The following NAV3 variants were observed in gnomAD, a reference collection of about 807,000 sequenced individuals.
NAV3 encodes the protein neuron navigator 3, also known as pore membrane and/or filament interacting like protein 1.
A neutral mutation model predicts 244.7 loss-of-function variants in NAV3; 87 were observed. The ratio of observed to expected loss-of-function variants is 0.36; its 90% CI spans 0.30 to 0.42. The LOEUF (loss-of-function observed/expected upper bound fraction) is 0.42. Ranked by LOEUF, NAV3 falls within the 20% of genes least tolerant of loss-of-function variation. The pLI is 1.00. For missense variants in NAV3, 2,663 were observed against 2,893.3 expected (o/e 0.92, Z 1.83); for synonymous variants, 1,126 against 1,042.2 (o/e 1.08, Z -1.55).
intron 2 of NAV3, among the ~76,000 whole-genome samples, chr12:77,637,791 C>A (rs1872220692): frequency 1.3e-5 from 2 of 152,218 alleles, no homozygotes; most frequent in African/African-American, 2.4e-5. Flanking sequence ...CATTATGTTT[C>A]ATAATGTTAT....
chr12:77,965,492 G>A lies in NAV3; in HGVS notation c.415-737G>A, dbSNP rs186729555. On this transcript the variant is annotated intron_variant, in intron 3 of 39. Transcript: ENST00000397909. ...AAATTAGCGGGGCGTGGTGGCGTGC[G>A]CCTGTAGTCCCAGCTACTTGGGAGA... Among the ~76,000 whole-genome samples, 37 of 152,192 alleles carry A rather than the reference G, an allele frequency of 2.4e-4. No individual in the cohort carries two copies. The South Asian group carries it at 5.2e-3, about 21-fold the overall frequency.
rs756707569 is a variant in NAV3, at chr12:78,177,639, C to T, written c.5317C>T (p.Pro1773Ser). ...ATACAGGTCACCCCTTGTCTGGCCA[C>T]CAAAGAAACGACAAAATGGCCCTGT... The part of the protein sequence containing the change: ...SASASPLVWP[P>S]KKRQNGPVIY... Residue 1773 changes from proline to serine, a missense_variant, in exon 28 of 40, where the codon CCA becomes TCA. Coordinates refer to ENST00000397909, the MANE Select transcript of NAV3 (RefSeq NM_001024383.2). 4 of 1,597,078 alleles carry T rather than the reference C, an allele frequency of 2.5e-6. No individual in the cohort carries two copies. Among genetic ancestry groups the T allele is most frequent in the Admixed American group, 3.3e-5 (2 of 59,914 alleles).
At chr12:78,121,121 G>A (rs1196957276) in intron 15 of NAV3, among the ~76,000 whole-genome samples, 2 of 152,258 alleles carry the variant, frequency 1.3e-5, no homozygotes, top group East Asian at 1.9e-4. Context: ...ATATTTCACT[G>A]TAGGAAATAT....
chr12:77,935,272 T>C (rs1282989744), intron 1 of NAV3, among the ~76,000 whole-genome samples: 2 of 152,134 alleles, frequency 1.3e-5, no homozygotes, highest in African/African-American at 4.8e-5. Context: ...AGAGTAGATC[T>C]TTTTCTGATG....
rs560638841 is a variant in NAV3, at chr12:77,874,953, T to C, written c.243+43249T>C. Among the ~76,000 whole-genome samples the C allele has an allele frequency of 6.4e-4, 98 of 152,218 alleles. No homozygotes were observed. The Middle Eastern group carries it at 0.02, about 32-fold the overall frequency. The stretch of plus-strand genomic sequence containing the variant: ...ATACATTAGAGGAAATGAAATAAAG[T>C]GGCACAACTAATCTATATTTCATTG... On this transcript the variant is annotated intron_variant, in intron 1 of 39. Coordinates refer to ENST00000397909, the MANE Select transcript of NAV3 (RefSeq NM_001024383.2).
At chr12:77,875,556 A>G (rs1322169714) in intron 1 of NAV3, among the ~76,000 whole-genome samples, 1 of 152,052 alleles carries the variant, frequency 6.6e-6, no homozygotes, top group Non-Finnish European at 1.5e-5. Context: ...AACACAAACA[A>G]TAAATATTTG....
intron 1 of NAV3, among the ~76,000 whole-genome samples, chr12:77,890,531 G>A (rs2136737927): frequency 6.6e-6 from 1 of 152,224 alleles, no homozygotes; most frequent in East Asian, 1.9e-4. Context: ...ATATTTATAT[G>A]TTAGCTTGTA....
At chr12:78,095,970 G>A (rs977640039) in intron 12 of NAV3, among the ~76,000 whole-genome samples, 2 of 152,124 alleles carry the variant, frequency 1.3e-5, no homozygotes, top group Non-Finnish European at 2.9e-5. Flanking sequence ...AACCTATATG[G>A]TATATAGGAA....
At chr12:78,041,865 G>T (rs138028952) in intron 9 of NAV3, among the ~76,000 whole-genome samples, 1 of 152,126 alleles carries the variant, frequency 6.6e-6, no homozygotes, top group Non-Finnish European at 1.5e-5. Flanking sequence ...TTATAGATAC[G>T]CATCTTGACT....
intron 22 of NAV3, among the ~76,000 whole-genome samples, chr12:78,153,252 A>T (rs1957144644): frequency 6.6e-6 from 1 of 152,054 alleles, no homozygotes; most frequent in Admixed American, 6.6e-5. Context: ...GTCTCTAGTT[A>T]GCTCACCTCT....
chr12:78,114,983 A>G (rs1288491661), intron 12 of NAV3, among the ~76,000 whole-genome samples: 1 of 152,128 alleles, frequency 6.6e-6, no homozygotes, highest in Non-Finnish European at 1.5e-5. Flanking sequence ...AATTTTCTTT[A>G]TTTCTGATAG....
At chr12:77,802,870 T>C (rs1313324170) in intron 2 of NAV3, among the ~76,000 whole-genome samples, 2 of 152,106 alleles carry the variant, frequency 1.3e-5, no homozygotes, top group Non-Finnish European at 2.9e-5. Context: ...GGTTTCACCA[T>C]GTTAGCCAGG....
intron 11 of NAV3, among the ~76,000 whole-genome samples, chr12:78,053,070 A>G (rs1882990795): frequency 6.6e-6 from 1 of 151,844 alleles, no homozygotes; most frequent in Non-Finnish European, 1.5e-5. Flanking sequence ...AAAGTTAGCC[A>G]GGCATGGTGG....
chr12:77,674,233 A>C (rs12301504), intron 2 of NAV3, among the ~76,000 whole-genome samples: 11,844 of 152,240 alleles, frequency 0.078, 642 homozygotes, highest in African/African-American at 0.16. Context: ...ACTAAAAAGA[A>C]GTTTGTAATA....
chr12:77,655,393 G>A (rs186821455), intron 2 of NAV3, among the ~76,000 whole-genome samples: 16 of 152,204 alleles, frequency 1.1e-4, no homozygotes, highest in African/African-American at 3.9e-4. Flanking sequence ...AAGCGAGAAG[G>A]GAAGTTTAGA....
intron 1 of NAV3, among the ~76,000 whole-genome samples, chr12:77,883,118 C>G (rs1331297932): frequency 2.6e-5 from 4 of 152,020 alleles, no homozygotes; most frequent in Non-Finnish European, 4.4e-5. Flanking sequence ...ATTATTCTAC[C>G]AAAAAGACAC....
chr12:78,168,605 T>C (rs1008658793), intron 23 of NAV3, 150 bp from the exon 24 acceptor site: 21 of 553,680 alleles, frequency 3.8e-5, no homozygotes, highest in East Asian at 3.6e-4. Flanking sequence ...AAAGAAGTTA[T>C]TAGGTACAGC....
At chr12:77,997,829 C>A (rs1034384563) in intron 6 of NAV3, among the ~76,000 whole-genome samples, 1 of 152,166 alleles carries the variant, frequency 6.6e-6, no homozygotes. Flanking sequence ...AACTTAGATA[C>A]TCAGTGAGCA....
chr12:77,691,449 C>A (rs1480502956), intron 2 of NAV3, among the ~76,000 whole-genome samples: 1 of 148,684 alleles, frequency 6.7e-6, no homozygotes, highest in Non-Finnish European at 1.5e-5. Context: ...AGTGTTCTGG[C>A]CAATCTTCTC....
Sources: gnomAD v4.1 joint callset for allele counts (sites outside exome capture counted in the v4.1 genomes callset) on GRCh38, gnomAD v4.1.1 for gene constraint, MANE v1.5 for transcripts, NCBI Gene and HGNC (gene_info 2026-07-23, HGNC 2026-07-21) for gene names.